The following NOS1AP variants were observed in gnomAD, a reference collection of about 807,000 sequenced individuals.
NOS1AP encodes the protein carboxyl-terminal PDZ ligand of neuronal nitric oxide synthase protein.
In NOS1AP, 21 loss-of-function variants were observed where a neutral mutation model predicts 56.2. That is an observed-to-expected ratio of 0.37 (90% CI 0.26 to 0.54). The LOEUF (loss-of-function observed/expected upper bound fraction) is 0.54, where lower values mean the gene tolerates loss of function less well. NOS1AP is among the 20% of genes least tolerant of loss of function. The pLI, the probability that NOS1AP is intolerant of heterozygous loss-of-function variation, is 0.84. For missense variants in NOS1AP, 522 were observed against 657.8 expected (o/e 0.79, Z 2.26); for synonymous variants, 270 against 274.6 (o/e 0.98, Z 0.17).
At chr1:162,340,608 T>C (rs938993315) in intron 5 of NOS1AP, among the ~76,000 whole-genome samples, 7 of 152,214 alleles carry the variant, frequency 4.6e-5, no homozygotes, top group African/African-American at 1.7e-4. Context: ...TGCTATCATA[T>C]ATTCAGTTTT....
intron 2 of NOS1AP, among the ~76,000 whole-genome samples, chr1:162,184,615 A>T (rs1651367023): frequency 6.6e-6 from 1 of 152,198 alleles, no homozygotes; most frequent in Admixed American, 6.5e-5. Context: ...GCCTGACTCC[A>T]GCACTTTACT....
intron 1 of NOS1AP, among the ~76,000 whole-genome samples, chr1:162,073,548 A>T (rs1383750031): frequency 2.0e-5 from 3 of 151,904 alleles, no homozygotes; most frequent in Non-Finnish European, 4.4e-5. Flanking sequence ...ACAACCTCCA[A>T]CTCCCAGGTT....
intron 1 of NOS1AP, among the ~76,000 whole-genome samples, chr1:162,073,324 T>G (rs544396142): frequency 3.3e-5 from 5 of 152,314 alleles, no homozygotes; most frequent in African/African-American, 1.2e-4. Flanking sequence ...CCAAATCCAG[T>G]GCCTTTTCAT....
chr1:162,129,379 G>A (rs186049497), intron 1 of NOS1AP, among the ~76,000 whole-genome samples: 1 of 152,224 alleles, frequency 6.6e-6, no homozygotes, highest in Non-Finnish European at 1.5e-5. Context: ...TTGCCCACTA[G>A]CCCACAGCAT....
chr1:162,070,299 G>C lies in NOS1AP; in HGVS notation c.105+17G>C. ...GAGGCCAAGGTGAGGGGGCTCCGGG[G>C]AGGGTGCTACCTGTGGTGGCGGTTG... On this transcript the variant is annotated intron_variant, in intron 1 of 9. Transcript: ENST00000361897. 1 of 1,602,058 alleles carries C rather than the reference G, an allele frequency of 6.2e-7. No homozygotes were observed. The highest frequency in any genetic ancestry group is 8.6e-7 in the Non-Finnish European group (1 of 1,169,582).
chr1:162,193,336 A>T, intron 2 of NOS1AP, among the ~76,000 whole-genome samples: 1 of 152,036 alleles, frequency 6.6e-6, no homozygotes, highest in East Asian at 1.9e-4. Flanking sequence ...GTGAAGGGAG[A>T]TAAGATTCTG....
At chr1:162,201,778 C>T (rs11576125) in intron 2 of NOS1AP, among the ~76,000 whole-genome samples, 62,744 of 152,088 alleles carry the variant, frequency 0.41, 15,942 homozygotes, top group Non-Finnish European at 0.58. Context: ...ATGTCCTTTG[C>T]CCACTTTTTA....
intron 4 of NOS1AP, among the ~76,000 whole-genome samples, chr1:162,332,381 A>G (rs1656797253): frequency 6.6e-6 from 1 of 152,104 alleles, no homozygotes; most frequent in South Asian, 2.1e-4. Flanking sequence ...GTCTACGTGT[A>G]AGCTCCATGA....
chr1:162,213,786 C>T (rs1167603627), intron 2 of NOS1AP, among the ~76,000 whole-genome samples: 1 of 152,184 alleles, frequency 6.6e-6, no homozygotes, highest in African/African-American at 2.4e-5. Context: ...CTGGAGAAGG[C>T]GCCGCCGCTC....
intron 6 of NOS1AP, among the ~76,000 whole-genome samples, chr1:162,353,894 C>A (rs1243720148): frequency 6.6e-6 from 1 of 152,356 alleles, no homozygotes; most frequent in East Asian, 1.9e-4. Flanking sequence ...CCTGTGCTCC[C>A]CGCCTACTGG....
intron 2 of NOS1AP, among the ~76,000 whole-genome samples, chr1:162,272,226 C>T (rs1453304553): frequency 7.2e-5 from 11 of 152,170 alleles, no homozygotes; most frequent in Non-Finnish European, 1.3e-4. Flanking sequence ...CCAGTTTCCT[C>T]CTGAAGTTCC....
In NOS1AP at chr1:162,367,326, A is replaced by C; in HGVS notation, c.1380A>C (p.Ser460=). The C allele has an allele frequency of 6.2e-7, 1 of 1,613,244 alleles. No individual in the cohort carries two copies. Among genetic ancestry groups the C allele is most frequent in the Non-Finnish European group, 8.5e-7 (1 of 1,179,908 alleles). Residue 460 remains serine, a synonymous_variant, in exon 10 of 10, where the codon TCA becomes TCC. Transcript: ENST00000361897. The surrounding 1 kb of genome is among the most constrained non-coding windows in gnomAD (Gnocchi z 6.5). ...TGGAGCTCATCAAGTTCCGAGAGTCAGGCATCGCCTCGGAGTACGAGTCCA... is the reference window on the plus strand; with the variant it reads ...TGGAGCTCATCAAGTTCCGAGAGTCCGGCATCGCCTCGGAGTACGAGTCCA... The part of the protein sequence containing the change: ...GGLELIKFRE[S]GIASEYESNT...
chr1:162,140,526 T>C (rs935524399), intron 1 of NOS1AP, among the ~76,000 whole-genome samples: 1 of 152,232 alleles, frequency 6.6e-6, no homozygotes, highest in African/African-American at 2.4e-5. Flanking sequence ...ATGTAGCACA[T>C]TTTCTTTATC....
chr1:162,289,799 G>A (rs913175845), intron 3 of NOS1AP, among the ~76,000 whole-genome samples: 1 of 152,118 alleles, frequency 6.6e-6, no homozygotes, highest in South Asian at 2.1e-4. Context: ...TAGGTTAAAT[G>A]TAAACACCTA....
chr1:162,136,920 G>C (rs1649027496), intron 1 of NOS1AP, among the ~76,000 whole-genome samples: 2 of 152,300 alleles, frequency 1.3e-5, no homozygotes, highest in South Asian at 4.1e-4. Flanking sequence ...CAGAGTGCAG[G>C]TCAGAGTGCA....
chr1:162,098,162 A>G (rs576729516), intron 1 of NOS1AP, among the ~76,000 whole-genome samples: 1 of 129,564 alleles, frequency 7.7e-6, no homozygotes, highest in South Asian at 2.3e-4. Flanking sequence ...GCTGGAGTGC[A>G]GTAGCGGGGT....
intron 1 of NOS1AP, among the ~76,000 whole-genome samples, chr1:162,128,200 A>G (rs1648574667): frequency 6.6e-6 from 1 of 152,124 alleles, no homozygotes; most frequent in African/African-American, 2.4e-5. Context: ...ATGCAGCATA[A>G]GGTAAAAAAT....
chr1:162,261,520 GAGAGAGAGAGAGAGAGAGAGAGAGA>G lies in NOS1AP; in HGVS notation c.178-25823_178-25799del, dbSNP rs1557853933. On this transcript the variant is annotated intron_variant, in intron 2 of 9. Coordinates refer to ENST00000361897, the MANE Select transcript of NOS1AP (RefSeq NM_014697.3). ...AGAGAGAGAGAGAGAGAGAGAGAGA[GAGAGAGAGAGAGAGAGAGAGAGAGA>G]GCAATGAAATGACTGGAACAGAGGA... Among the ~76,000 whole-genome samples the G allele has an allele frequency of 1.8e-4, 6 of 33,158 alleles. 2 individuals carry two copies. The highest frequency in any genetic ancestry group is 5.6e-4 in the African/African-American group (6 of 10,738). The allele number at this position is 33,158 out of a possible 152,430, so 21.8% of individuals were successfully genotyped here. A position where few individuals can be genotyped will look rare whatever the true frequency, so the allele number is the denominator to read the frequency against.
chr1:162,255,393 T>G (rs750842410), intron 2 of NOS1AP, among the ~76,000 whole-genome samples: 5 of 151,618 alleles, frequency 3.3e-5, no homozygotes, highest in Non-Finnish European at 5.9e-5. Flanking sequence ...AACAGTGTTC[T>G]CCTCTCTTGT....
Sources: allele counts gnomAD v4.1 joint callset (sites outside exome capture counted in the v4.1 genomes callset), GRCh38; gene constraint gnomAD v4.1.1; non-coding constraint Gnocchi (gnomAD v3.1); transcripts MANE v1.5; gene names NCBI Gene and HGNC (gene_info 2026-07-23, HGNC 2026-07-21).